The following LHFPL3 variants were observed in gnomAD, a reference collection of about 807,000 sequenced individuals.
The protein encoded by LHFPL3 is LHFPL tetraspan subfamily member 3, also known as LHFPL tetraspan subfamily member 3 protein.
A neutral mutation model predicts 19.3 loss-of-function variants in LHFPL3; 5 were observed. The observed-to-expected ratio is 0.26, with a 90% confidence interval of 0.14 to 0.54. LHFPL3 has a LOEUF of 0.54. LHFPL3 is among the 20% of genes least tolerant of loss of function. The pLI is 0.94. For synonymous variants in LHFPL3, 133 were observed against 126.2 expected, an observed-to-expected ratio of 1.05 and a Z score of -0.36; for missense variants, 249 against 307.4, an observed-to-expected ratio of 0.81 and a Z score of 1.42.
chr7:104,821,612 G>A (rs1183126679), intron 2 of LHFPL3, among the ~76,000 whole-genome samples: 1 of 152,150 alleles, frequency 6.6e-6, no homozygotes. Context: ...CCTTTTAAAG[G>A]CATTACGTGC....
At position 104,623,290 on chromosome 7, in the gene LHFPL3, AAAAGG is replaced by A. The variant is rs1228480745; in HGVS notation, c.446-113384_446-113380del. ...TGGGCTATGTACCATTTGAAAAAAA[AAAAGG>A]TAGCCATATTTTCTGAGTAACTTCT... On this transcript the variant is annotated intron_variant, in intron 1 of 2. Transcript: ENST00000424859. 2.6e-5 allele frequency among the ~76,000 whole-genome samples: 4 copies of A among 152,210 alleles called. No individual in the cohort carries two copies. The East Asian group carries it at 5.8e-4, about 22-fold the overall frequency.
chr7:104,453,156 A>G (rs890846374), intron 1 of LHFPL3, among the ~76,000 whole-genome samples: 4 of 144,842 alleles, frequency 2.8e-5, no homozygotes, highest in African/African-American at 8.7e-5. Flanking sequence ...AATAAAAATC[A>G]TACTAGACCA....
intron 2 of LHFPL3, among the ~76,000 whole-genome samples, chr7:104,867,298 T>C (rs1295040377): frequency 2.0e-5 from 3 of 152,124 alleles, no homozygotes; most frequent in Non-Finnish European, 4.4e-5. Flanking sequence ...AGCTGGTTTT[T>C]TGAAAAGATC....
intron 1 of LHFPL3, among the ~76,000 whole-genome samples, chr7:104,612,646 A>G (rs1406501040): frequency 1.3e-5 from 2 of 152,218 alleles, no homozygotes; most frequent in South Asian, 2.1e-4. Flanking sequence ...AGAACTCTCA[A>G]GGAAAGCTCT....
intron 1 of LHFPL3, among the ~76,000 whole-genome samples, chr7:104,398,451 C>T (rs1322996793): frequency 1.3e-5 from 2 of 152,102 alleles, no homozygotes; most frequent in Non-Finnish European, 2.9e-5. Context: ...TTGTGGATTG[C>T]CTTTTAGTCA....
chr7:104,664,502 C>CCTGT (rs1466775406), intron 1 of LHFPL3, among the ~76,000 whole-genome samples: 1 of 152,216 alleles, frequency 6.6e-6, no homozygotes, highest in African/African-American at 2.4e-5. Flanking sequence ...TGGCTCCTTT[C>CCTGT]CTGTCTCTAC....
chr7:104,602,996 G>A (rs1020802748), intron 1 of LHFPL3, among the ~76,000 whole-genome samples: 2 of 151,882 alleles, frequency 1.3e-5, no homozygotes, highest in African/African-American at 2.4e-5. Context: ...TGACCTAATC[G>A]CCTCTTAAAG....
At chr7:104,681,806 C>T (rs975324122) in intron 1 of LHFPL3, among the ~76,000 whole-genome samples, 5 of 152,124 alleles carry the variant, frequency 3.3e-5, no homozygotes, top group African/African-American at 7.2e-5. Flanking sequence ...TATCATCCTC[C>T]GAACCTTAAA....
chr7:104,745,504 G>A (rs1427838026), intron 2 of LHFPL3, among the ~76,000 whole-genome samples: 1 of 152,150 alleles, frequency 6.6e-6, no homozygotes, highest in Admixed American at 6.5e-5. Context: ...TATTTGTTGT[G>A]GTATAACCCT....
intron 1 of LHFPL3, among the ~76,000 whole-genome samples, chr7:104,394,350 A>T (rs1791140837): frequency 1.3e-5 from 2 of 152,206 alleles, no homozygotes; most frequent in Non-Finnish European, 2.9e-5. Flanking sequence ...GTCTGAAAAG[A>T]TAACCTCAGA....
At chr7:104,705,435 T>C (rs1466080813) in intron 1 of LHFPL3, among the ~76,000 whole-genome samples, 1 of 152,128 alleles carries the variant, frequency 6.6e-6, no homozygotes, top group African/African-American at 2.4e-5. Context: ...AAACTGAAGA[T>C]TGTGTTTAGC....
At chr7:104,425,856 A>G (rs1791834195) in intron 1 of LHFPL3, among the ~76,000 whole-genome samples, 1 of 152,262 alleles carries the variant, frequency 6.6e-6, no homozygotes, top group East Asian at 1.9e-4. Flanking sequence ...TCACGATCTC[A>G]TTTTTAGTCT....
chr7:104,634,748 G>A (rs533776055), intron 1 of LHFPL3, among the ~76,000 whole-genome samples: 1 of 152,286 alleles, frequency 6.6e-6, no homozygotes, highest in East Asian at 1.9e-4. Context: ...TATCTCCCCA[G>A]AAGGCCAGCT....
chr7:104,387,998 T>G (rs927909015), intron 1 of LHFPL3, among the ~76,000 whole-genome samples: 2 of 152,184 alleles, frequency 1.3e-5, no homozygotes, highest in African/African-American at 4.8e-5. Flanking sequence ...TGTGTCCATA[T>G]GTACTCAATG....
At chr7:104,413,958 G>C (rs1199456194) in intron 1 of LHFPL3, among the ~76,000 whole-genome samples, 1 of 152,114 alleles carries the variant, frequency 6.6e-6, no homozygotes, top group Non-Finnish European at 1.5e-5. Context: ...CAAAAAAGGT[G>C]ATTTAATATA....
intron 1 of LHFPL3, among the ~76,000 whole-genome samples, chr7:104,477,254 G>C (rs1414246892): frequency 6.6e-6 from 1 of 152,148 alleles, no homozygotes; most frequent in Non-Finnish European, 1.5e-5. Flanking sequence ...ACCTCCTGAA[G>C]TGCTGGGATT....
At chr7:104,436,303 A>G (rs1792104448) in intron 1 of LHFPL3, among the ~76,000 whole-genome samples, 1 of 152,180 alleles carries the variant, frequency 6.6e-6, no homozygotes. Context: ...TGCATGCACT[A>G]TTAACTCATT....
At chr7:104,622,924 C>A in intron 1 of LHFPL3, 2 of 260,846 alleles carry the variant, frequency 7.7e-6, no homozygotes, top group Non-Finnish European at 1.6e-5. Flanking sequence ...ACATTCCCAG[C>A]AGCAGTGAAT....
intron 1 of LHFPL3, among the ~76,000 whole-genome samples, chr7:104,444,110 A>T (rs972955429): frequency 1.3e-5 from 2 of 152,228 alleles, no homozygotes; most frequent in African/African-American, 4.8e-5. Flanking sequence ...GGAATCTTTT[A>T]GTGAGCTTTC....
Sources: allele counts gnomAD v4.1 joint callset (sites outside exome capture counted in the v4.1 genomes callset), GRCh38; gene constraint gnomAD v4.1.1; transcripts MANE v1.5; gene names NCBI Gene and HGNC (gene_info 2026-07-23, HGNC 2026-07-21).